The following EPM2A variants were observed in gnomAD, a reference collection of about 807,000 sequenced individuals.
EPM2A encodes EPM2A glucan phosphatase, laforin.
Under a neutral mutation model 26.5 loss-of-function variants are expected in EPM2A, and 21 were observed. The observed-to-expected ratio is 0.79, with a 90% confidence interval of 0.56 to 1.14. EPM2A has a LOEUF of 1.14. Ranked by LOEUF, EPM2A falls within the 50% of genes most tolerant of loss-of-function variation. EPM2A has a pLI of 0.00. For missense variants in EPM2A, 458 were observed against 440.8 expected, an observed-to-expected ratio of 1.04 and a Z score of -0.35; for synonymous variants, 217 against 177.6, an observed-to-expected ratio of 1.22 and a Z score of -1.76.
intron 2 of EPM2A, among the ~76,000 whole-genome samples, chr6:145,524,274 A>T (rs1012447274): frequency 6.6e-6 from 1 of 152,200 alleles, no homozygotes; most frequent in Non-Finnish European, 1.5e-5. Flanking sequence ...TGGTAGAATG[A>T]TAACTTTTCC....
At chr6:145,643,033 T>G (rs905654612) in intron 2 of EPM2A, among the ~76,000 whole-genome samples, 4 of 152,076 alleles carry the variant, frequency 2.6e-5, no homozygotes, top group Non-Finnish European at 5.9e-5. Flanking sequence ...ACCTTTCGGA[T>G]GGTGATGGCT....
chr6:145,576,987 C>T (rs920282223), intron 2 of EPM2A, among the ~76,000 whole-genome samples: 7 of 150,442 alleles, frequency 4.7e-5, no homozygotes, highest in African/African-American at 1.7e-4. Context: ...TTTTTACAAG[C>T]TTCATGGTAA....
chr6:145,711,339 A>T (rs1165050504), intron 1 of EPM2A, among the ~76,000 whole-genome samples: 1 of 152,226 alleles, frequency 6.6e-6, no homozygotes, highest in African/African-American at 2.4e-5. Context: ...AGCCTACAAA[A>T]GTTCTACGTT....
intron 1 of EPM2A, among the ~76,000 whole-genome samples, chr6:145,731,054 C>A (rs1323242807): frequency 6.6e-6 from 1 of 151,650 alleles, no homozygotes; most frequent in Non-Finnish European, 1.5e-5. Context: ...TGTCTACAGA[C>A]CCACACGACA....
intron 2 of EPM2A, among the ~76,000 whole-genome samples, chr6:145,513,382 T>C (rs1017596207): frequency 6.6e-6 from 1 of 152,174 alleles, no homozygotes; most frequent in Non-Finnish European, 1.5e-5. Context: ...AGAATGGCTA[T>C]TATTAAAAAG....
intron 2 of EPM2A, among the ~76,000 whole-genome samples, chr6:145,574,813 T>C (rs1266178594): frequency 6.6e-6 from 1 of 152,232 alleles, no homozygotes; most frequent in African/African-American, 2.4e-5. Context: ...GAAGAGTTCC[T>C]ATTTAGTGGG....
Position 145,411,770 on chromosome 6 carries a change from G to A in EPM2A, c.556-27673C>T, listed in dbSNP as rs1027540474. On this transcript the variant is annotated intron_variant, in intron 4 of 4. Transcript: ENST00000638717. ...AATACTCAAAGAGCGTAAGAACATC[G>A]CCTAAAACTATTCAGTTAGTATGGA... Among the ~76,000 whole-genome samples the A allele has an allele frequency of 5.5e-4, 83 of 152,204 alleles. 1 individual carries two copies. The highest frequency in any genetic ancestry group is 1.7e-3 in the African/African-American group (70 of 41,526).
At chr6:145,654,745 T>C (rs948233221) in intron 2 of EPM2A, among the ~76,000 whole-genome samples, 1 of 152,236 alleles carries the variant, frequency 6.6e-6, no homozygotes, top group South Asian at 2.1e-4. Context: ...TATGGCTTGA[T>C]AACTGTCTAC....
Position 145,663,954 on chromosome 6 carries a change from A to G in EPM2A, c.476+22168T>C, listed in dbSNP as rs1778949061. Among the ~76,000 whole-genome samples, 2 of 82,098 alleles carry G rather than the reference A, an allele frequency of 2.4e-5. 1 individual carries two copies. Among genetic ancestry groups the G allele is most frequent in the Admixed American group, 3.1e-4 (2 of 6,352 alleles). The allele number at this position is 82,098 out of a possible 152,430, so 53.9% of individuals were successfully genotyped here. On this transcript the variant is annotated intron_variant, in intron 2 of 3. Transcript: ENST00000367519. ...AGGAGAAATAAAATACTTTACAGAC[A>G]AGCAAATGCTGACAGATTTTGTCAC...
At chr6:145,393,385 G>T (rs1307718502) in intron 4 of EPM2A, among the ~76,000 whole-genome samples, 1 of 151,766 alleles carries the variant, frequency 6.6e-6, no homozygotes, top group Non-Finnish European at 1.5e-5. Flanking sequence ...TTTTTACAGG[G>T]AAGTCTGTCA....
At chr6:145,695,292 A>G (rs1781509399) in intron 1 of EPM2A, among the ~76,000 whole-genome samples, 1 of 152,002 alleles carries the variant, frequency 6.6e-6, no homozygotes, top group South Asian at 2.1e-4. Flanking sequence ...AAACCCTATT[A>G]TACTTCCACA....
intron 2 of EPM2A, 60 bp from the exon 3 acceptor site, chr6:145,635,546 G>C: frequency 6.5e-7 from 1 of 1,545,848 alleles, no homozygotes; most frequent in Non-Finnish European, 8.9e-7. Flanking sequence ...GGTTTAAGGA[G>C]CTGCATAAAA....
intron 2 of EPM2A, among the ~76,000 whole-genome samples, chr6:145,583,307 G>T (rs1008665568): frequency 6.6e-6 from 1 of 152,134 alleles, no homozygotes; most frequent in African/African-American, 2.4e-5. Flanking sequence ...AGTCTTCAAA[G>T]TTGATGTCCT....
At chr6:145,533,514 C>A (rs1182091801) in intron 2 of EPM2A, among the ~76,000 whole-genome samples, 1 of 152,198 alleles carries the variant, frequency 6.6e-6, no homozygotes, top group Non-Finnish European at 1.5e-5. Flanking sequence ...CCTATGCTAT[C>A]TGGCCCCACC....
intron 2 of EPM2A, among the ~76,000 whole-genome samples, chr6:145,573,798 T>A (rs993802657): frequency 2.0e-5 from 3 of 152,220 alleles, no homozygotes; most frequent in Admixed American, 2.0e-4. Flanking sequence ...GACCACAGGA[T>A]GAGTCCGGAG....
At chr6:145,726,499 A>G (rs1776213189) in intron 1 of EPM2A, among the ~76,000 whole-genome samples, 1 of 152,138 alleles carries the variant, frequency 6.6e-6, no homozygotes, top group South Asian at 2.1e-4. Flanking sequence ...TGGGGAAAAC[A>G]CAACTTTTAC....
At chr6:145,586,994 A>AT (rs1258771472) in intron 2 of EPM2A, among the ~76,000 whole-genome samples, 7 of 152,090 alleles carry the variant, frequency 4.6e-5, no homozygotes, top group Admixed American at 2.6e-4. Flanking sequence ...CTGTTGTTAG[A>AT]TTTTTTCATT....
At chr6:145,732,146 A>G (rs1190247021) in intron 1 of EPM2A, among the ~76,000 whole-genome samples, 1 of 151,630 alleles carries the variant, frequency 6.6e-6, no homozygotes, top group Non-Finnish European at 1.5e-5. Flanking sequence ...AAAACAGTGC[A>G]ACTAACATAG....
chr6:145,663,599 T>C (rs1330059409), intron 2 of EPM2A, among the ~76,000 whole-genome samples: 53 of 151,792 alleles, frequency 3.5e-4, no homozygotes, highest in Middle Eastern at 3.4e-3. Flanking sequence ...TGCAGGATAT[T>C]ATCCAGGAGA....
Sources: gnomAD v4.1 joint callset for allele counts (sites outside exome capture counted in the v4.1 genomes callset) on GRCh38, gnomAD v4.1.1 for gene constraint, MANE v1.5 for transcripts, NCBI Gene and HGNC (gene_info 2026-07-23, HGNC 2026-07-21) for gene names.